The following CELF2 variants were observed in gnomAD, a reference collection of about 807,000 sequenced individuals.
CELF2 encodes CUGBP Elav-like family member 2, also known as CUG triplet repeat RNA-binding protein 2.
CELF2 carries 8 observed loss-of-function variants against 62.6 expected under a neutral mutation model. That is an observed-to-expected ratio of 0.13 (90% CI 0.07 to 0.23). The LOEUF is 0.23. CELF2 is among the 10% of genes least tolerant of loss of function. The pLI is 1.00. For synonymous variants in CELF2, 258 were observed against 250.0 expected (o/e 1.03, Z -0.30); for missense variants, 333 against 671.0 (o/e 0.50, Z 5.56).
intron 1 of CELF2, among the ~76,000 whole-genome samples, chr10:11,032,934 A>G (rs1291610621): frequency 1.3e-5 from 2 of 152,218 alleles, no homozygotes; most frequent in African/African-American, 4.8e-5. Context: ...GATAAACTCA[A>G]ATGTATGTTG....
chr10:11,097,531 A>G (rs566290767), intron 1 of CELF2: 44 of 152,268 alleles, frequency 2.9e-4, no homozygotes, highest in African/African-American at 9.9e-4. Flanking sequence ...CTTGGGTTAT[A>G]ATAAGGTTGT....
chr10:10,577,753 C>A, the CELF2 span, among the ~76,000 whole-genome samples: 1 of 152,092 alleles, frequency 6.6e-6, no homozygotes, highest in South Asian at 2.1e-4. Flanking sequence ...TTAATCCAGT[C>A]TATCATTCTT....
the CELF2 span, among the ~76,000 whole-genome samples, chr10:10,684,680 C>T: frequency 6.6e-6 from 1 of 152,034 alleles, no homozygotes; most frequent in East Asian, 1.9e-4. Context: ...GGAGGTTGAG[C>T]CTGCAGTGAG....
At chr10:11,256,051 A>G (rs1056396428) in intron 4 of CELF2, among the ~76,000 whole-genome samples, 2 of 152,212 alleles carry the variant, frequency 1.3e-5, no homozygotes, top group African/African-American at 2.4e-5. Context: ...TTGGAGACAG[A>G]CAGAAGCTCC....
At chr10:11,253,942 T>G (rs2077921351) in intron 4 of CELF2, among the ~76,000 whole-genome samples, 1 of 152,218 alleles carries the variant, frequency 6.6e-6, no homozygotes, top group South Asian at 2.1e-4. Flanking sequence ...TTTTGGTTTT[T>G]TAATTCCTTA....
At chr10:10,769,701 T>G in the CELF2 span, among the ~76,000 whole-genome samples, 1 of 151,718 alleles carries the variant, frequency 6.6e-6, no homozygotes, top group Non-Finnish European at 1.5e-5. Context: ...GAGGCGGAGG[T>G]TGCAGTGAGC....
chr10:10,636,543 G>T, the CELF2 span, among the ~76,000 whole-genome samples: 1 of 152,178 alleles, frequency 6.6e-6, no homozygotes, highest in Non-Finnish European at 1.5e-5. Flanking sequence ...ATTGTGCAAT[G>T]AAATGGGGAA....
upstream of CELF2, among the ~76,000 whole-genome samples, chr10:11,001,226 A>G (rs573227584): frequency 6.6e-6 from 1 of 152,334 alleles, no homozygotes; most frequent in Non-Finnish European, 1.5e-5. Flanking sequence ...GGCAGTTCTC[A>G]GTATCTGAAA....
chr10:11,255,218 CAGG>C lies in CELF2; in HGVS notation c.404-2516_404-2514del, dbSNP rs1384243505. Reference sequence around the variant, plus strand: ...GAATTAGAAGTTTTCCGTCAGCGTACAGGAGGTCAGGTCCTCAGCAGTCTCCCT... The same window carrying C: ...GAATTAGAAGTTTTCCGTCAGCGTACAGGTCAGGTCCTCAGCAGTCTCCCT... On this transcript the variant is annotated intron_variant, in intron 4 of 12. Transcript: ENST00000633077. The surrounding 1 kb of genome is among the most constrained non-coding windows in gnomAD (Gnocchi z 5.5). 6.6e-6 allele frequency among the ~76,000 whole-genome samples: 1 copy of C among 152,238 alleles called. No homozygotes were observed. The highest frequency in any genetic ancestry group is 1.5e-5 in the Non-Finnish European group (1 of 68,036).
the CELF2 span, among the ~76,000 whole-genome samples, chr10:10,713,971 A>T: frequency 6.6e-6 from 1 of 152,076 alleles, no homozygotes. Flanking sequence ...GGAGGTGAAG[A>T]TTCCAGTGAG....
the CELF2 span, among the ~76,000 whole-genome samples, chr10:10,605,102 T>A: frequency 6.6e-6 from 1 of 152,174 alleles, no homozygotes. Context: ...TTAAAAAGAA[T>A]GAGATCATGT....
At chr10:10,846,283 A>G (rs1011327845) in intron 1 of CELF2, 3 of 194,154 alleles carry the variant, frequency 1.5e-5, no homozygotes, top group Non-Finnish European at 2.8e-5. Flanking sequence ...GCTTCCCAGG[A>G]CTTGGTTTTT....
upstream of CELF2, among the ~76,000 whole-genome samples, chr10:11,001,527 A>G (rs1271680777): frequency 1.3e-5 from 2 of 152,238 alleles, no homozygotes; most frequent in African/African-American, 2.4e-5. Flanking sequence ...GAAATTACCT[A>G]TAACAGAAAC....
At position 11,328,648 on chromosome 10, in the gene CELF2, C is replaced by T. The variant is rs1222159786; in HGVS notation, c.1439-278C>T. On this transcript the variant is annotated intron_variant, in intron 12 of 12. Transcript: ENST00000633077. The surrounding 1 kb of genome is among the most constrained non-coding windows in gnomAD (Gnocchi z 6.4). ...CGAGTTCAGTAAGTGGAACTGAATT[C>T]AGCCAAACAATTGAGTCTGAGGTTT... 6.6e-6 allele frequency among the ~76,000 whole-genome samples: 1 copy of T among 152,244 alleles called. No individual in the cohort carries two copies.
At chr10:10,582,072 C>T in the CELF2 span, among the ~76,000 whole-genome samples, 4 of 152,042 alleles carry the variant, frequency 2.6e-5, no homozygotes, top group Admixed American at 2.0e-4. Context: ...CCTGTCTAGC[C>T]GGAGCAAGAT....
chr10:10,934,453 G>C lies in CELF2; in HGVS notation c.89+14454G>C, dbSNP rs2066422769. ...AAGAATCTTTCTGAATGGTTGAAGT[G>C]AGAGTAACAGGTGCATGAACAAGAC... On this transcript the variant is annotated intron_variant, in intron 2 of 13. Coordinates refer to the CELF2 transcript ENST00000636488. This position sits in a 1 kb window ranked among gnomAD's most constrained non-coding sequence, Gnocchi z 4.4. 6.6e-6 allele frequency: 1 copy of C among 152,232 alleles called. No individual in the cohort carries two copies. The highest frequency in any genetic ancestry group is 1.5e-5 in the Non-Finnish European group (1 of 68,052). 9.4% of individuals were successfully genotyped at this position (152,232 alleles called of 1,614,324 possible). A position where few individuals can be genotyped will look rare whatever the true frequency, so the allele number is the denominator to read the frequency against.
intron 1 of CELF2, among the ~76,000 whole-genome samples, chr10:11,153,516 G>A (rs908387308): frequency 2.6e-5 from 4 of 152,108 alleles, no homozygotes; most frequent in Non-Finnish European, 5.9e-5. Flanking sequence ...GCTACAGCTA[G>A]AGACAGAGAA....
At chr10:10,739,706 T>A in the CELF2 span, among the ~76,000 whole-genome samples, 1 of 152,180 alleles carries the variant, frequency 6.6e-6, no homozygotes, top group Admixed American at 6.5e-5. Flanking sequence ...TATGTCTCCT[T>A]AGTTTCCCCC....
intron 3 of CELF2, among the ~76,000 whole-genome samples, chr10:11,219,631 G>A (rs1171432369): frequency 6.6e-6 from 1 of 152,198 alleles, no homozygotes; most frequent in Non-Finnish European, 1.5e-5. Context: ...TAAATGAGGA[G>A]AGAGTTTCAC....
Sources: allele counts gnomAD v4.1 joint callset (sites outside exome capture counted in the v4.1 genomes callset), GRCh38; gene constraint gnomAD v4.1.1; non-coding constraint Gnocchi (gnomAD v3.1); transcripts MANE v1.5; gene names NCBI Gene and HGNC (gene_info 2026-07-23, HGNC 2026-07-21).